The following ATP13A3 variants were observed in gnomAD, a reference collection of about 807,000 sequenced individuals.
ATP13A3 encodes ATPase 13A3.
A neutral mutation model predicts 158.1 loss-of-function variants in ATP13A3; 59 were observed. The observed-to-expected ratio is 0.37, with a 90% CI of 0.30 to 0.46. The LOEUF is 0.46. ATP13A3 is among the 20% of genes least tolerant of loss of function. The pLI is 1.00. For missense variants in ATP13A3, 1,166 were observed against 1,525.2 expected, an observed-to-expected ratio of 0.76 and a Z score of 3.92; for synonymous variants, 491 against 504.3, an observed-to-expected ratio of 0.97 and a Z score of 0.35.
rs1363703854 is a variant in ATP13A3 at position 194,411,686 on chromosome 3, G to A, written c.3573+513C>T. ...TCTTCTGAATACTAAGGTATACAAC[G>A]CTGGAGAAAGCCAAAAAGCCACTCC... is the stretch of plus-strand genomic sequence containing the variant. On this transcript the variant is annotated intron_variant, in intron 33 of 33. Transcript: ENST00000645319. 3.3e-5 allele frequency among the ~76,000 whole-genome samples: 5 copies of A among 152,090 alleles called. No homozygotes were observed. In the East Asian group the frequency reaches 5.8e-4, roughly 18 times the overall value.
At chr3:194,420,155 T>C (rs1716189511) in intron 30 of ATP13A3, 188 bp from the exon 31 acceptor site, 1 of 438,856 alleles carries the variant, frequency 2.3e-6, no homozygotes. Flanking sequence ...ACCCAAAAGA[T>C]TCACATACAC....
At chr3:194,422,547 TAGGAAATA>T (rs1325338555) in intron 30 of ATP13A3, among the ~76,000 whole-genome samples, 1 of 152,152 alleles carries the variant, frequency 6.6e-6, no homozygotes, top group Non-Finnish European at 1.5e-5. Context: ...AAGGATTCTG[TAGGAAATA>T]AGAGATTTTT....
At chr3:194,459,735 T>C in intron 5 of ATP13A3, 54 bp downstream of exon 5, 1 of 1,541,580 alleles carries the variant, frequency 6.5e-7, no homozygotes. Context: ...CATGATAGCA[T>C]AAAATGTAAC....
chr3:194,427,966 AT>A (rs1716920255), intron 28 of ATP13A3, among the ~76,000 whole-genome samples: 1 of 152,124 alleles, frequency 6.6e-6, no homozygotes, highest in Non-Finnish European at 1.5e-5. Flanking sequence ...CACGCCTGTA[AT>A]CCCAGCAATT....
At chr3:194,450,101 T>C (rs769874507) in intron 11 of ATP13A3, 44 bp downstream of exon 11, 4 of 1,594,210 alleles carry the variant, frequency 2.5e-6, no homozygotes, top group Non-Finnish European at 2.6e-6. Context: ...TTAGTCATGA[T>C]ATATCATGAA....
chr3:194,449,430 A>C (rs1718646395), intron 11 of ATP13A3, among the ~76,000 whole-genome samples: 1 of 152,226 alleles, frequency 6.6e-6, no homozygotes, highest in Non-Finnish European at 1.5e-5. Context: ...CTGTAATTCC[A>C]ACACTTTGGG....
At chr3:194,429,031 C>T (rs538541181) in intron 27 of ATP13A3, 114 bp from the exon 28 acceptor site, 22 of 573,918 alleles carry the variant, frequency 3.8e-5, no homozygotes, top group South Asian at 2.5e-4. Flanking sequence ...AAATGACACT[C>T]GGACCTGCTT....
At chr3:194,447,183 T>C in intron 13 of ATP13A3, 68 bp from the exon 14 acceptor site, 1 of 1,350,320 alleles carries the variant, frequency 7.4e-7, no homozygotes, top group South Asian at 1.3e-5. Context: ...GGGTATTTCT[T>C]TAGTGAAAAT....
At chr3:194,435,946 T>C (rs1408511520) in intron 20 of ATP13A3, among the ~76,000 whole-genome samples, 2 of 152,048 alleles carry the variant, frequency 1.3e-5, no homozygotes, top group Non-Finnish European at 2.9e-5. Context: ...CAGTAATTAG[T>C]GTTTATGGGG....
intron 17 of ATP13A3, among the ~76,000 whole-genome samples, chr3:194,438,558 G>A: frequency 6.6e-6 from 1 of 152,206 alleles, no homozygotes; most frequent in East Asian, 1.9e-4. Flanking sequence ...GATAAACGCA[G>A]TTAAAATATT....
chr3:194,470,106 TACC>T (rs1720234398), intron 2 of ATP13A3, among the ~76,000 whole-genome samples: 6 of 152,172 alleles, frequency 3.9e-5, no homozygotes, highest in African/African-American at 1.2e-4. Context: ...TTTACAAGGA[TACC>T]AGCTAAATTT....
chr3:194,455,071 C>A (rs1396704402), intron 8 of ATP13A3, among the ~76,000 whole-genome samples: 1 of 152,192 alleles, frequency 6.6e-6, no homozygotes, highest in Non-Finnish European at 1.5e-5. Flanking sequence ...AAACTTTTAA[C>A]GAAATTGAAA....
At chr3:194,408,080 C>T (rs1454413120) in intron 33 of ATP13A3, among the ~76,000 whole-genome samples, 6 of 148,564 alleles carry the variant, frequency 4.0e-5, no homozygotes, top group South Asian at 4.3e-4. Context: ...AGTGCAGTGG[C>T]GTGATCTAAG....
chr3:194,430,339 A>T, intron 24 of ATP13A3, 24 bp from the exon 25 acceptor site: 1 of 1,603,592 alleles, frequency 6.2e-7, no homozygotes, highest in South Asian at 1.1e-5. Flanking sequence ...CAATGTTAAG[A>T]TTTTAATTAA....
chr3:194,420,120 T>C (rs948013504), intron 30 of ATP13A3, 153 bp from the exon 31 acceptor site: 1 of 798,324 alleles, frequency 1.3e-6, no homozygotes, highest in Non-Finnish European at 1.7e-6. Flanking sequence ...TGTTATCTCC[T>C]GGAGTATGAG....
intron 2 of ATP13A3, among the ~76,000 whole-genome samples, chr3:194,466,255 C>A (rs1221398279): frequency 6.6e-6 from 1 of 151,842 alleles, no homozygotes; most frequent in East Asian, 1.9e-4. Context: ...AGAAAAAAAT[C>A]AATGAAATAA....
rs1351463411 is a variant in ATP13A3, at chr3:194,402,762, G to A, written c.*3157C>T. On this transcript the variant is annotated 3_prime_UTR_variant, in exon 34 of 34. Coordinates refer to ENST00000645319, the MANE Select transcript of ATP13A3 (RefSeq NM_001367549.1). ...TTTACAATGCTGAATGTACAATTAT[G>A]AATGTATGCCTTTTTGACAAGAGGG... 6.6e-6 allele frequency: 1 copy of A among 152,138 alleles called. No individual in the cohort carries two copies. Among genetic ancestry groups the A allele is most frequent in the Non-Finnish European group, 1.5e-5 (1 of 68,034 alleles). 9.4% of individuals were successfully genotyped at this position (152,138 alleles called of 1,614,324 possible).
rs939208723 is a variant in ATP13A3 at position 194,402,709 on chromosome 3, T to C, written c.*3210A>G. On this transcript the variant is annotated 3_prime_UTR_variant, in exon 34 of 34. Coordinates refer to ENST00000645319, the MANE Select transcript of ATP13A3 (RefSeq NM_001367549.1). Reference sequence around the variant, plus strand: ...CATTAAAATTTTTATTTTGAATAGCTTCAATCAAAAAAGGTTTCATAAGAT... The same window carrying C: ...CATTAAAATTTTTATTTTGAATAGCCTCAATCAAAAAAGGTTTCATAAGAT... 1.3e-5 allele frequency: 2 copies of C among 152,198 alleles called. No homozygotes were observed. Among genetic ancestry groups the C allele is most frequent in the Non-Finnish European group, 2.9e-5 (2 of 68,042 alleles). The allele number at this position is 152,198 out of a possible 1,614,324, so 9.4% of individuals were successfully genotyped here.
Position 194,431,760 on chromosome 3 carries a change from T to C in ATP13A3, c.2378A>G (p.Asp793Gly). The C allele has an allele frequency of 6.2e-7, 1 of 1,610,922 alleles. No homozygotes were observed. Among genetic ancestry groups the C allele is most frequent in the Non-Finnish European group, 8.5e-7 (1 of 1,178,772 alleles). Reference protein sequence around the residue: ...KVAKINWHYADSLTQCSHPSA... With the variant: ...KVAKINWHYAGSLTQCSHPSA... ...TGGATGACTGCACTGCGTGAGGGAG[T>C]CTGCATAATGCCAATTTATTTTGGC... is the stretch of plus-strand genomic sequence containing the variant. The change falls in exon 22 of 34, where the codon GAC becomes GGC. Residue 793 changes from aspartate (D) to glycine (G), a missense_variant. This residue lies in a region of ATP13A3 where 997 missense variants were observed against 1,341.2 expected (regional missense o/e 0.74). Coordinates refer to ENST00000645319, the MANE Select transcript of ATP13A3 (RefSeq NM_001367549.1).
Sources: gnomAD v4.1 joint callset for allele counts (sites outside exome capture counted in the v4.1 genomes callset) on GRCh38, gnomAD v4.1.1 for gene constraint, gnomAD v4.1.1 regional missense constraint, MANE v1.5 for transcripts, NCBI Gene and HGNC (gene_info 2026-07-23, HGNC 2026-07-21) for gene names.